The following KDM2B variants were observed in gnomAD, a reference collection of about 807,000 sequenced individuals.
The protein encoded by KDM2B is lysine-specific demethylase 2B.
Under a neutral mutation model 150.0 loss-of-function variants are expected in KDM2B, and 26 were observed. The ratio of observed to expected loss-of-function variants is 0.17; its 90% confidence interval spans 0.13 to 0.24. KDM2B has a LOEUF of 0.24. Ranked by LOEUF, KDM2B falls within the 10% of genes least tolerant of loss-of-function variation. KDM2B has a pLI of 1.00. For synonymous variants in KDM2B, 734 were observed against 729.5 expected, an observed-to-expected ratio of 1.01 and a Z score of -0.10; for missense variants, 1,265 against 1,816.9, an observed-to-expected ratio of 0.70 and a Z score of 5.52.
chr12:121,424,163 G>A (rs1202114715), downstream of KDM2B: 1 of 152,702 alleles, frequency 6.5e-6, no homozygotes, highest in Non-Finnish European at 1.5e-5. Flanking sequence ...GACTCCACAT[G>A]TCCATTTTTG....
chr12:121,528,296 T>C (rs550491865), intron 8 of KDM2B, among the ~76,000 whole-genome samples: 3 of 152,332 alleles, frequency 2.0e-5, no homozygotes, highest in Admixed American at 1.3e-4. Flanking sequence ...CTATGGCTTA[T>C]GCCTGTAATC....
At chr12:121,456,286 G>A (rs147918045) in intron 12 of KDM2B, among the ~76,000 whole-genome samples, 1 of 152,370 alleles carries the variant, frequency 6.6e-6, no homozygotes, top group Non-Finnish European at 1.5e-5. Flanking sequence ...ATGCCTCAGT[G>A]CGAAGGGTGC....
At chr12:121,563,413 C>A (rs1890478633) in intron 4 of KDM2B, among the ~76,000 whole-genome samples, 1 of 151,856 alleles carries the variant, frequency 6.6e-6, no homozygotes, top group Non-Finnish European at 1.5e-5. Context: ...TCGAGACCAG[C>A]CTGGCCAATA....
chr12:121,574,456 C>A, intron 4 of KDM2B, 91 bp downstream of exon 4: 2 of 1,203,274 alleles, frequency 1.7e-6, no homozygotes, highest in Admixed American at 1.9e-5. Context: ...TTTTGAGAGG[C>A]AGTTAAAAGT....
chr12:121,451,613 T>C (rs1224499240), intron 13 of KDM2B, among the ~76,000 whole-genome samples: 2 of 152,152 alleles, frequency 1.3e-5, no homozygotes, highest in East Asian at 1.9e-4. Flanking sequence ...AACAGATGAA[T>C]GGATAAAGAA....
chr12:121,506,924 G>A (rs1235906904), intron 11 of KDM2B, among the ~76,000 whole-genome samples: 1 of 149,500 alleles, frequency 6.7e-6, no homozygotes, highest in African/African-American at 2.5e-5. Flanking sequence ...CATCAAGAGT[G>A]AAACTCCATC....
intron 13 of KDM2B, among the ~76,000 whole-genome samples, chr12:121,447,241 T>A (rs1876428880): frequency 6.6e-6 from 1 of 150,494 alleles, no homozygotes; most frequent in Admixed American, 6.6e-5. Context: ...AAATTCCAGG[T>A]CTTCTCTTTT....
At chr12:121,539,824 C>T (rs899968725) in intron 6 of KDM2B, among the ~76,000 whole-genome samples, 2 of 152,124 alleles carry the variant, frequency 1.3e-5, no homozygotes, top group East Asian at 3.9e-4. Context: ...ACTGCAACCT[C>T]CAACTCCCGA....
intron 4 of KDM2B, among the ~76,000 whole-genome samples, chr12:121,555,989 C>T (rs1333700907): frequency 2.0e-5 from 3 of 151,882 alleles, no homozygotes; most frequent in Non-Finnish European, 4.4e-5. Context: ...TACAGTGGCA[C>T]GATCTCGGCT....
intron 4 of KDM2B, among the ~76,000 whole-genome samples, chr12:121,553,857 G>C (rs1433744785): frequency 6.6e-6 from 1 of 151,996 alleles, no homozygotes; most frequent in Non-Finnish European, 1.5e-5. Flanking sequence ...TTCTAAAATG[G>C]ACTTTCATAA....
At chr12:121,423,826 T>G in the KDM2B span, 360 of 437,690 alleles carry the variant, frequency 8.2e-4, 2 homozygotes, top group Admixed American at 1.7e-3. The surrounding 1 kb of genome is among the most constrained non-coding windows in gnomAD (Gnocchi z 4.3). Flanking sequence ...GAACACTCAT[T>G]GAAGTCAGCC....
rs929437567 is a variant in KDM2B at position 121,562,263 on chromosome 12, A to C, written c.397+12284T>G. 7.3e-5 allele frequency among the ~76,000 whole-genome samples: 11 copies of C among 150,954 alleles called. No individual in the cohort carries two copies. In the Admixed American group the frequency reaches 7.3e-4, roughly 10 times the overall value. ...TTTGGGAGGCCAAGGCGAACAGATC[A>C]CCTGAGGCCAGGAGTTTGAGACCAG... On this transcript the variant is annotated intron_variant, in intron 4 of 22. Transcript: ENST00000377071.
Position 121,580,896 on chromosome 12 carries a change from T to C in KDM2B, c.16A>G (p.Met6Val). 1 of 1,613,828 alleles carries C rather than the reference T, an allele frequency of 6.2e-7. No homozygotes were observed. Among genetic ancestry groups the C allele is most frequent in the Admixed American group, 1.7e-5 (1 of 59,946 alleles). Residue 6 changes from methionine to valine, a missense_variant, in exon 1 of 23, where the codon ATG becomes GTG. Transcript: ENST00000377071. ...GGGTGATCCTCTGCAGATCCCCCCATTTGCGGACCCGCCATGTGGAGGAGG... is the reference window on the plus strand; with the variant it reads ...GGGTGATCCTCTGCAGATCCCCCCACTTGCGGACCCGCCATGTGGAGGAGG... MAGPQ[M>V]GGSAEDHPPR... is the part of the protein sequence containing the mutation.
Position 121,468,869 on chromosome 12 carries a change from T to C in KDM2B, c.1735-15525A>G, listed in dbSNP as rs1442973318. 6.6e-6 allele frequency: 1 copy of C among 152,006 alleles called. No individual in the cohort carries two copies. The highest frequency in any genetic ancestry group is 6.6e-5 in the Admixed American group (1 of 15,236). The allele number at this position is 152,006 out of a possible 1,614,324, so 9.4% of individuals were successfully genotyped here. ...AAAAAATCCCAGTCGACTTGCTCTT[T>C]GCCGAAACGTATCTGTTCTGAGTTT... On this transcript the variant is annotated intron_variant, in intron 12 of 22. Transcript: ENST00000377071. This position sits in a 1 kb window ranked among gnomAD's most constrained non-coding sequence, Gnocchi z 4.0.
chr12:121,563,571 C>T (rs1010017461), intron 4 of KDM2B, among the ~76,000 whole-genome samples: 4 of 151,414 alleles, frequency 2.6e-5, no homozygotes, highest in African/African-American at 9.7e-5. Context: ...CGCACCACTG[C>T]ACTTCAGCCT....
Position 121,450,018 on chromosome 12 carries a change from C to A in KDM2B, c.1959+3102G>T, listed in dbSNP as rs1555291194. Among the ~76,000 whole-genome samples, 4 of 152,138 alleles carry A rather than the reference C, an allele frequency of 2.6e-5. No individual in the cohort carries two copies. The East Asian group carries it at 5.8e-4, about 22-fold the overall frequency. On this transcript the variant is annotated intron_variant, in intron 13 of 22. Coordinates refer to ENST00000377071, the MANE Select transcript of KDM2B (RefSeq NM_032590.5). ...AACTCCTCTAACTCAGCAACAAAAA[C>A]CCCCAAAAGAAAGCCGATCTAGGCC... is the stretch of plus-strand genomic sequence containing the variant.
intron 11 of KDM2B, among the ~76,000 whole-genome samples, chr12:121,496,782 CA>C: frequency 6.6e-6 from 1 of 152,072 alleles, no homozygotes; most frequent in African/African-American, 2.4e-5. Flanking sequence ...GTGAGCCCCC[CA>C]AAGTGCTGGG....
intron 4 of KDM2B, among the ~76,000 whole-genome samples, chr12:121,558,477 G>A (rs371184454): frequency 3.4e-4 from 47 of 139,572 alleles, no homozygotes; most frequent in African/African-American, 1.0e-3. Context: ...TTTTTGAGAC[G>A]GAGTCTCACT....
rs1555303545 is a variant in KDM2B, at chr12:121,509,728, C to T, written c.1486G>A (p.Gly496Ser). The T allele has an allele frequency of 3.7e-6, 6 of 1,614,094 alleles. No homozygotes were observed. The South Asian group carries it at 4.4e-5, about 12-fold the overall frequency. The change falls in exon 11 of 23, where the codon GGC (glycine) becomes AGC (serine). Residue 496 changes from glycine (G) to serine (S), a missense_variant. Transcript: ENST00000377071. Reference protein sequence around the residue: ...LAVDYPKTPTGSPATEVSAKW... With the variant: ...LAVDYPKTPTSSPATEVSAKW... ...GCAGAGACCTCCGTGGCGGGAGAGCCGGTGGGGGTCTTGGGGTAGTCTACG... is the reference window on the plus strand; with the variant it reads ...GCAGAGACCTCCGTGGCGGGAGAGCTGGTGGGGGTCTTGGGGTAGTCTACG...
Sources: gnomAD v4.1 joint callset for allele counts (sites outside exome capture counted in the v4.1 genomes callset) on GRCh38, gnomAD v4.1.1 for gene constraint, Gnocchi (gnomAD v3.1) non-coding constraint, MANE v1.5 for transcripts, NCBI Gene and HGNC (gene_info 2026-07-23, HGNC 2026-07-21) for gene names.